The following CACNA1A variants were observed in gnomAD, a reference collection of about 807,000 sequenced individuals.
The protein encoded by CACNA1A is calcium voltage-gated channel subunit alpha1 A, also known as voltage-dependent P/Q-type calcium channel subunit alpha-1A.
Under a neutral mutation model 262.4 loss-of-function variants are expected in CACNA1A, and 57 were observed. That is an observed-to-expected ratio of 0.22 (90% confidence interval 0.18 to 0.27). CACNA1A has a LOEUF of 0.27. Among genes scored for constraint, CACNA1A ranks in the 10% least tolerant of loss-of-function variants. The pLI, the probability that CACNA1A is intolerant of heterozygous loss-of-function variation, is 1.00. For missense variants in CACNA1A, 2,526 were observed against 3,562.8 expected (o/e 0.71, Z 7.41); for synonymous variants, 1,431 against 1,419.3 (o/e 1.01, Z -0.18).
At chr19:13,367,294 CAAAAAAAAA>C (rs71168702) in intron 4 of CACNA1A, among the ~76,000 whole-genome samples, 1 of 64,790 alleles carries the variant, frequency 1.5e-5, no homozygotes, top group Admixed American at 1.9e-4. Flanking sequence ...GACTCTGTCT[CAAAAAAAAA>C]AAAAAAAAAA....
At chr19:13,222,307 G>A (rs1046932029) in intron 38 of CACNA1A, among the ~76,000 whole-genome samples, 23 of 151,782 alleles carry the variant, frequency 1.5e-4, no homozygotes, top group African/African-American at 5.6e-4. Context: ...CTCCCAGCGT[G>A]CTCAGATTAC....
At chr19:13,348,229 A>G (rs1048089328) in intron 6 of CACNA1A, among the ~76,000 whole-genome samples, 3 of 152,202 alleles carry the variant, frequency 2.0e-5, no homozygotes, top group African/African-American at 4.8e-5. Context: ...GGCCAGGGAC[A>G]TGCATTTATG....
chr19:13,388,507 C>T (rs967962057), intron 3 of CACNA1A, among the ~76,000 whole-genome samples: 3 of 152,060 alleles, frequency 2.0e-5, no homozygotes, highest in East Asian at 1.9e-4. Context: ...CCACCTGCCT[C>T]GCCCTCGCAA....
chr19:13,354,708 C>T (rs1402985631), intron 6 of CACNA1A, among the ~76,000 whole-genome samples: 1 of 152,120 alleles, frequency 6.6e-6, no homozygotes, highest in Non-Finnish European at 1.5e-5. Flanking sequence ...CCCCCTGGTA[C>T]CTCAGAATGT....
chr19:13,436,085 A>G (rs979868266), intron 3 of CACNA1A, among the ~76,000 whole-genome samples: 1 of 152,102 alleles, frequency 6.6e-6, no homozygotes, highest in Non-Finnish European at 1.5e-5. Context: ...TCGGCCTCCT[A>G]AAGTGTTGGG....
intron 37 of CACNA1A, 76 bp from the exon 38 acceptor site, chr19:13,224,848 A>G: frequency 1.0e-6 from 1 of 999,528 alleles, no homozygotes; most frequent in South Asian, 1.5e-5. Flanking sequence ...GCCCGCCCCT[A>G]CCCAGGGAGT....
intron 3 of CACNA1A, among the ~76,000 whole-genome samples, chr19:13,383,861 G>A (rs528727107): frequency 6.6e-6 from 1 of 152,132 alleles, no homozygotes; most frequent in Non-Finnish European, 1.5e-5. Context: ...TGTCACCCAG[G>A]CTGGCGTGCA....
rs1486329875 is a variant in CACNA1A at position 13,207,945 on chromosome 19, C to G, written c.6889G>C (p.Val2297Leu). The G allele has an allele frequency of 5.0e-6, 6 of 1,207,436 alleles. No homozygotes were observed. Among genetic ancestry groups the G allele is most frequent in the African/African-American group, 3.5e-5 (2 of 57,502 alleles). 74.8% of individuals were successfully genotyped at this position (1,207,436 alleles called of 1,614,324 possible). A position where few individuals can be genotyped will look rare whatever the true frequency, so the allele number is the denominator to read the frequency against. The change falls in exon 47 of 47, where the codon GTG becomes CTG. Residue 2297 changes from valine to leucine, a missense_variant. By Grantham distance (32) the Val-to-Leu change is conservative. Coordinates refer to ENST00000360228, the MANE Select transcript of CACNA1A (RefSeq NM_001127222.2). The surrounding 1 kb of genome is among the most constrained non-coding windows in gnomAD (Gnocchi z 5.7). ...TTACGGATCACAGGGGAATAGGACA[C>G]GTGTGGCCGGGGGGTGGAGGGGGTC... ...PQTPSTPRPH[V>L]SYSPVIRKAG...
intron 45 of CACNA1A, 142 bp from the exon 46 acceptor site, chr19:13,209,151 G>A: frequency 1.5e-6 from 2 of 1,354,802 alleles, no homozygotes; most frequent in Non-Finnish European, 2.0e-6. Context: ...TGGGGGGAGG[G>A]GGTAGTACCC....
At chr19:13,492,350 C>T (rs1337511510) in intron 1 of CACNA1A, among the ~76,000 whole-genome samples, 2 of 152,146 alleles carry the variant, frequency 1.3e-5, no homozygotes, top group African/African-American at 4.8e-5. Context: ...CAGGATACCA[C>T]AACAGGATTT....
chr19:13,303,933 G>A, intron 15 of CACNA1A, 49 bp from the exon 16 acceptor site: 1 of 1,323,556 alleles, frequency 7.6e-7, no homozygotes. Flanking sequence ...TCAGCCACGG[G>A]CCCCTTGGAG....
At chr19:13,431,336 C>G (rs951772397) in intron 3 of CACNA1A, among the ~76,000 whole-genome samples, 3 of 151,920 alleles carry the variant, frequency 2.0e-5, no homozygotes, top group Non-Finnish European at 4.4e-5. Flanking sequence ...GTGGTGGATT[C>G]TGGGTAGATT....
intron 15 of CACNA1A, among the ~76,000 whole-genome samples, chr19:13,304,691 A>C (rs969758429): frequency 6.6e-6 from 1 of 150,828 alleles, no homozygotes; most frequent in African/African-American, 2.4e-5. Context: ...ACAGGAAGAA[A>C]CATCACAACT....
chr19:13,294,756 T>C (rs974168854), intron 19 of CACNA1A, among the ~76,000 whole-genome samples: 6 of 152,142 alleles, frequency 3.9e-5, no homozygotes, highest in African/African-American at 1.4e-4. Flanking sequence ...CCCAAAGTGC[T>C]GGGATTACAG....
chr19:13,414,400 A>T (rs1458680570), intron 3 of CACNA1A, among the ~76,000 whole-genome samples: 1 of 151,246 alleles, frequency 6.6e-6, no homozygotes, highest in African/African-American at 2.4e-5. Flanking sequence ...GCTCTGTCTC[A>T]AAAAAAAAGC....
chr19:13,475,347 T>C (rs1488870142), intron 1 of CACNA1A, among the ~76,000 whole-genome samples: 1 of 152,192 alleles, frequency 6.6e-6, no homozygotes, highest in Non-Finnish European at 1.5e-5. Flanking sequence ...TGTCATCCTC[T>C]CTCCAGCACT....
intron 3 of CACNA1A, among the ~76,000 whole-genome samples, chr19:13,410,960 G>A (rs898078005): frequency 6.6e-6 from 1 of 152,000 alleles, no homozygotes; most frequent in Non-Finnish European, 1.5e-5. Context: ...GCTCAGTCCT[G>A]GGTGCTCTCC....
intron 38 of CACNA1A, among the ~76,000 whole-genome samples, chr19:13,220,242 C>T (rs1398723769): frequency 7.1e-6 from 1 of 141,074 alleles, no homozygotes; most frequent in Non-Finnish European, 1.5e-5. Flanking sequence ...GCCTTGGCAA[C>T]AAGAGTGAAA....
intron 15 of CACNA1A, among the ~76,000 whole-genome samples, chr19:13,307,105 G>A (rs1029490644): frequency 2.6e-5 from 4 of 152,058 alleles, no homozygotes; most frequent in Non-Finnish European, 5.9e-5. Flanking sequence ...TAGGAGGTAT[G>A]TATCACCATG....
Sources: gnomAD v4.1 joint callset for allele counts (sites outside exome capture counted in the v4.1 genomes callset) on GRCh38, gnomAD v4.1.1 for gene constraint, Gnocchi (gnomAD v3.1) non-coding constraint, MANE v1.5 for transcripts, NCBI Gene and HGNC (gene_info 2026-07-23, HGNC 2026-07-21) for gene names.